The following CNGB3 variants were observed in gnomAD, a reference collection of about 807,000 sequenced individuals.
CNGB3 encodes cyclic nucleotide gated channel subunit beta 3.
In CNGB3, 86 loss-of-function variants were observed where a neutral mutation model predicts 92.8. That is an observed-to-expected ratio of 0.93 (90% confidence interval 0.78 to 1.11). The LOEUF (loss-of-function observed/expected upper bound fraction) is 1.11. Among genes scored for constraint, CNGB3 ranks in the 50% least tolerant of loss-of-function variants. The pLI, the probability that CNGB3 is intolerant of heterozygous loss-of-function variation, is 0.00. For synonymous variants in CNGB3, 333 were observed against 332.7 expected (o/e 1.00, Z -0.01); for missense variants, 1,026 against 956.8 (o/e 1.07, Z -0.95).
intron 6 of CNGB3, among the ~76,000 whole-genome samples, chr8:86,655,258 G>A (rs756924061): frequency 2.0e-5 from 3 of 152,070 alleles, no homozygotes; most frequent in South Asian, 2.1e-4. Context: ...TACAGTGGCC[G>A]CCAGATGATC....
At chr8:86,676,660 C>A (rs1823974839) in intron 3 of CNGB3, among the ~76,000 whole-genome samples, 1 of 152,154 alleles carries the variant, frequency 6.6e-6, no homozygotes. Context: ...CATGTTTGGT[C>A]ATTGTACTAC....
intron 8 of CNGB3, among the ~76,000 whole-genome samples, chr8:86,647,012 T>G (rs1823302598): frequency 6.6e-6 from 1 of 151,154 alleles, no homozygotes; most frequent in Admixed American, 6.6e-5. Flanking sequence ...TTGATGAGTT[T>G]CTTTTTGTAG....
chr8:86,605,697 T>G (rs1305418952), intron 14 of CNGB3, among the ~76,000 whole-genome samples: 2 of 152,216 alleles, frequency 1.3e-5, no homozygotes, highest in Non-Finnish European at 2.9e-5. Flanking sequence ...AATGTCTACT[T>G]TGTTGCAGTG....
At chr8:86,663,826 G>A (rs1436592504) in intron 6 of CNGB3, among the ~76,000 whole-genome samples, 1 of 152,146 alleles carries the variant, frequency 6.6e-6, no homozygotes, top group Non-Finnish European at 1.5e-5. Flanking sequence ...CTCTATATTT[G>A]TAGCTTATGA....
intron 14 of CNGB3, 73 bp downstream of exon 14, chr8:86,611,515 A>T: frequency 8.1e-7 from 1 of 1,241,300 alleles, no homozygotes; most frequent in Middle Eastern, 1.9e-4. Flanking sequence ...TGTTTAAACA[A>T]TGTTCTTGAC....
At chr8:86,713,696 T>C (rs1489869080) in intron 3 of CNGB3, among the ~76,000 whole-genome samples, 3 of 152,220 alleles carry the variant, frequency 2.0e-5, no homozygotes, top group Non-Finnish European at 2.9e-5. Context: ...ATAAGTTTAG[T>C]ATTTGGAGGT....
chr8:86,662,413 G>A (rs748531328), intron 6 of CNGB3, among the ~76,000 whole-genome samples: 2 of 152,184 alleles, frequency 1.3e-5, no homozygotes, highest in Non-Finnish European at 2.9e-5. Context: ...TTATCCTCAG[G>A]TAAGAAAGAG....
chr8:86,579,276 T>A, intron 15 of CNGB3, 24 bp from the exon 16 acceptor site: 1 of 1,612,962 alleles, frequency 6.2e-7, no homozygotes, highest in South Asian at 1.1e-5. Flanking sequence ...AAATGAGTCT[T>A]TGCCACCAGT....
At chr8:86,693,626 G>A (rs2131640206) in intron 3 of CNGB3, among the ~76,000 whole-genome samples, 1 of 150,684 alleles carries the variant, frequency 6.6e-6, no homozygotes, top group African/African-American at 2.4e-5. Flanking sequence ...GGGTACTTAA[G>A]ATTAGGGAGT....
chr8:86,743,027 C>T (rs1035988167), intron 1 of CNGB3, among the ~76,000 whole-genome samples: 9 of 152,238 alleles, frequency 5.9e-5, no homozygotes, highest in African/African-American at 1.2e-4. Context: ...ATCCCCACCC[C>T]GGAGCTATGA....
At chr8:86,667,164 T>C (rs756424255) in intron 5 of CNGB3, 31 bp from the exon 6 acceptor site, 2 of 1,577,994 alleles carry the variant, frequency 1.3e-6, no homozygotes, top group Non-Finnish European at 1.7e-6. Flanking sequence ...GAAATCCAAA[T>C]GACATAGAAC....
intron 13 of CNGB3, among the ~76,000 whole-genome samples, chr8:86,624,913 G>A (rs572177442): frequency 1.3e-5 from 2 of 152,284 alleles, no homozygotes; most frequent in Non-Finnish European, 2.9e-5. Context: ...CTGTCCTCAT[G>A]ACAGTGAGTG....
chr8:86,588,168 T>G (rs1020070220), intron 15 of CNGB3, among the ~76,000 whole-genome samples: 2 of 147,600 alleles, frequency 1.4e-5, no homozygotes, highest in Admixed American at 1.3e-4. Context: ...GGAATGCTTG[T>G]GATTTTTGCA....
rs534559338 is a variant in CNGB3 at position 86,578,927 on chromosome 8, A to G, written c.1929-64T>C. The G allele has an allele frequency of 3.4e-5, 54 of 1,600,888 alleles. 1 individual carries two copies. The East Asian group carries it at 1.1e-3, about 32-fold the overall frequency. On this transcript the variant is annotated intron_variant, in intron 16 of 17. Coordinates refer to ENST00000320005, the MANE Select transcript of CNGB3 (RefSeq NM_019098.5). ...TGAGAGTTCTGGCAAAATCTACTAAAAAAACTGCAATTTATCCTAACCTGT... is the reference window on the plus strand; with the variant it reads ...TGAGAGTTCTGGCAAAATCTACTAAGAAAACTGCAATTTATCCTAACCTGT...
intron 1 of CNGB3, among the ~76,000 whole-genome samples, chr8:86,742,691 G>C (rs1453018417): frequency 6.6e-6 from 1 of 152,116 alleles, no homozygotes; most frequent in African/African-American, 2.4e-5. Flanking sequence ...ATAGTTCTAA[G>C]TAAATATTGC....
At chr8:86,638,449 A>C (rs1823116298) in intron 10 of CNGB3, among the ~76,000 whole-genome samples, 1 of 152,114 alleles carries the variant, frequency 6.6e-6, no homozygotes, top group Non-Finnish European at 1.5e-5. Context: ...GTAAATCTGT[A>C]GTGGGACATG....
chr8:86,657,505 C>T (rs1823534616), intron 6 of CNGB3: 2 of 510,802 alleles, frequency 3.9e-6, no homozygotes, highest in South Asian at 3.0e-5. Flanking sequence ...GCATAATCTG[C>T]TGTGCAGTGG....
Position 86,644,661 on chromosome 8 carries a change from T to G in CNGB3, c.1016A>C (p.His339Pro). The G allele has an allele frequency of 6.3e-7, 1 of 1,591,454 alleles. No individual in the cohort carries two copies. Among genetic ancestry groups the G allele is most frequent in the Non-Finnish European group, 8.6e-7 (1 of 1,166,014 alleles). ...TTTGTCCATTATAGACTCTAGGTGA[T>G]GATTAAATTCAAAAAATGAAGTGTA... ...LKYTSFFEFN[H>P]HLESIMDKAY... Residue 339 changes from histidine (H) to proline (P), a missense_variant, in exon 9 of 18, where the codon CAT becomes CCT. Transcript: ENST00000320005.
chr8:86,725,096 A>G (rs549059416), intron 3 of CNGB3, among the ~76,000 whole-genome samples: 3 of 152,174 alleles, frequency 2.0e-5, no homozygotes, highest in Non-Finnish European at 4.4e-5. Context: ...TTATCCCCCA[A>G]AATGTTAGTT....
Sources: gnomAD v4.1 joint callset for allele counts (sites outside exome capture counted in the v4.1 genomes callset) on GRCh38, gnomAD v4.1.1 for gene constraint, MANE v1.5 for transcripts, NCBI Gene and HGNC (gene_info 2026-07-23, HGNC 2026-07-21) for gene names.